LY75: variants seen among roughly 807,000 people sequenced by gnomAD.
LY75 encodes C-type lectin domain family 13 member B.
Under a neutral mutation model 231.7 loss-of-function variants are expected in LY75, and 185 were observed. That is an observed-to-expected ratio of 0.80 (90% CI 0.71 to 0.90). The LOEUF is 0.90. Among genes scored for constraint, LY75 ranks in the 40% least tolerant of loss-of-function variants. The pLI is 0.00. For synonymous variants in LY75, 668 were observed against 689.0 expected (o/e 0.97, Z 0.48); for missense variants, 1,947 against 2,050.2 (o/e 0.95, Z 0.97).
chr2:159,811,552 A>C (rs1351419845), intron 31 of LY75, among the ~76,000 whole-genome samples: 2 of 152,168 alleles, frequency 1.3e-5, no homozygotes, highest in Non-Finnish European at 2.9e-5. Context: ...ATCTCAACCC[A>C]AACTATTGTT....
rs1290053012 is a variant in LY75, at chr2:159,805,222, C to T, written c.4991G>A (p.Gly1664Asp). The change falls in exon 35 of 35, where the codon GGC (glycine) becomes GAC (aspartate). Residue 1664 changes from glycine (G) to aspartate (D), a missense_variant and splice_region_variant. Physicochemically the swap from Gly to Asp is moderately conservative, Grantham distance 94. Transcript: ENST00000263636. ...GATAGCTATTGCTGTGTAATCAGGG[C>T]CTGGAACAGGAAAAGGTTTGATGTT... ...FGRVVCKVPLGPDYTAIAIIV... is the reference protein window; with the variant it reads ...FGRVVCKVPLDPDYTAIAIIV... The T allele has an allele frequency of 6.2e-7, 1 of 1,612,434 alleles. No individual in the cohort carries two copies. The highest frequency in any genetic ancestry group is 2.2e-5 in the East Asian group (1 of 44,850).
intron 12 of LY75, 109 bp from the exon 13 acceptor site, chr2:159,872,702 G>A (rs1685053721): frequency 2.3e-6 from 3 of 1,284,390 alleles, no homozygotes; most frequent in Non-Finnish European, 3.2e-6. Flanking sequence ...AATTCTTAAA[G>A]GTGTAGTGAA....
In LY75 at chr2:159,854,493, C is replaced by T; in HGVS notation, c.2462G>A (p.Ser821Asn). The change falls in exon 18 of 35, where the codon AGT becomes AAT. Residue 821 changes from serine to asparagine, a missense_variant. Coordinates refer to ENST00000263636, the MANE Select transcript of LY75 (RefSeq NM_002349.4). ...AAGATCAGCAACAAACCAATATTCA[C>T]TTCCTTCAATTATAAGTGGAGGTCC... ...IHGPPLIIEGSEYWFVADLHL... is the reference protein window; with the variant it reads ...IHGPPLIIEGNEYWFVADLHL... The T allele has an allele frequency of 1.2e-6, 2 of 1,613,376 alleles. No individual in the cohort carries two copies. Among genetic ancestry groups the T allele is most frequent in the South Asian group, 1.1e-5 (1 of 91,014 alleles).
chr2:159,848,089 TATATAC>T (rs59944510), intron 23 of LY75, among the ~76,000 whole-genome samples: 23,455 of 45,060 alleles, frequency 0.52, 4,016 homozygotes, highest in African/African-American at 0.62. Context: ...TATATATATA[TATATAC>T]ACACACACAT....
intron 6 of LY75, among the ~76,000 whole-genome samples, chr2:159,883,142 G>T (rs1685485998): frequency 8.1e-6 from 1 of 123,110 alleles, no homozygotes; most frequent in South Asian, 3.2e-4. Flanking sequence ...GGGGGAGGGG[G>T]AGGGGGGAGG....
intron 9 of LY75, 150 bp from the exon 10 acceptor site, chr2:159,878,871 T>C (rs1685353199): frequency 3.5e-6 from 3 of 853,008 alleles, no homozygotes; most frequent in Non-Finnish European, 5.4e-6. Context: ...GAGGGTGGGA[T>C]GCAATTTCAC....
intron 20 of LY75, 135 bp from the exon 21 acceptor site, chr2:159,852,475 G>A (rs1684433473): frequency 1.6e-6 from 2 of 1,243,140 alleles, no homozygotes; most frequent in Admixed American, 5.4e-5. Flanking sequence ...CTGGAGTGCA[G>A]TGGTGCAATG....
Position 159,904,630 on chromosome 2 carries a change from A to G in LY75, c.53T>C (p.Leu18Pro). Residue 18 changes from leucine (L) to proline (P), a missense_variant, in exon 1 of 35, where the codon CTC (leucine) becomes CCC (proline). Coordinates refer to ENST00000263636, the MANE Select transcript of LY75 (RefSeq NM_002349.4). ...CTCCGCGAGATCGAAGAACCAGAAG[A>G]GCAGCATGAGGAGCCCCGCCGGGCG... Reference protein sequence around the residue: ...PRRPAGLLMLLFWFFDLAEPS... With the variant: ...PRRPAGLLMLPFWFFDLAEPS... 1 of 1,504,538 alleles carries G rather than the reference A, an allele frequency of 6.6e-7. No homozygotes were observed. The allele number at this position is 1,504,538 out of a possible 1,614,324, so 93.2% of individuals were successfully genotyped here.
At chr2:159,852,922 C>T (rs1376325460) in intron 20 of LY75, among the ~76,000 whole-genome samples, 1 of 152,096 alleles carries the variant, frequency 6.6e-6, no homozygotes, top group Non-Finnish European at 1.5e-5. Context: ...AGGGTGAAGG[C>T]AGGAGGTAGG....
intron 28 of LY75, among the ~76,000 whole-genome samples, chr2:159,826,550 C>T (rs1683474778): frequency 6.6e-6 from 1 of 152,138 alleles, no homozygotes; most frequent in Admixed American, 6.5e-5. Context: ...TTTATAGATT[C>T]AATGCTATCC....
intron 23 of LY75, among the ~76,000 whole-genome samples, chr2:159,844,560 T>C (rs1684141898): frequency 6.6e-6 from 1 of 151,998 alleles, no homozygotes; most frequent in Admixed American, 6.6e-5. Flanking sequence ...TTCTAGCATA[T>C]GTGGTGAGGC....
intron 28 of LY75, among the ~76,000 whole-genome samples, chr2:159,822,124 T>C (rs1000749900): frequency 6.6e-6 from 1 of 152,192 alleles, no homozygotes; most frequent in Admixed American, 6.5e-5. Context: ...GACACCAAAC[T>C]AGCTGCAGGA....
intron 15 of LY75, 136 bp downstream of exon 15, chr2:159,860,685 G>T: frequency 1.0e-6 from 1 of 1,002,064 alleles, no homozygotes. Context: ...TGAGGGCCAG[G>T]CCATGGGTGT....
rs1684683272 is a variant in LY75 at position 159,860,928 on chromosome 2, G to T, written c.2200-39C>A. On this transcript the variant is annotated intron_variant, in intron 14 of 34. Coordinates refer to ENST00000263636, the MANE Select transcript of LY75 (RefSeq NM_002349.4). ...AGAGGCTTGAGAATTTAAGACTGAT[G>T]TATAAATATTTGCAATTTAGATGTA... 3 of 1,610,774 alleles carry T rather than the reference G, an allele frequency of 1.9e-6. No individual in the cohort carries two copies. The African/African-American group carries it at 4.0e-5, about 22-fold the overall frequency.
intron 34 of LY75, among the ~76,000 whole-genome samples, chr2:159,806,082 T>C (rs1682784835): frequency 6.6e-6 from 1 of 152,232 alleles, no homozygotes; most frequent in South Asian, 2.1e-4. Flanking sequence ...TGTCTCCTGC[T>C]TCTAGGCTTC....
intron 1 of LY75, among the ~76,000 whole-genome samples, chr2:159,901,812 G>T (rs1485686159): frequency 6.6e-6 from 1 of 152,164 alleles, no homozygotes; most frequent in Admixed American, 6.5e-5. Context: ...ACTTAGTACA[G>T]ATCTTAATTA....
In LY75 at chr2:159,885,242, G is replaced by A. The variant is rs2125878454; in HGVS notation, c.965C>T (p.Ala322Val). ...IGGSSCARMDAESGLWQSFSC... is the reference protein window; with the variant it reads ...IGGSSCARMDVESGLWQSFSC... ...AAAGCTCTGCCACAGACCAGACTCAGCATCCATTCTTGCACAGCTGGAGCC... is the reference window on the plus strand; with the variant it reads ...AAAGCTCTGCCACAGACCAGACTCAACATCCATTCTTGCACAGCTGGAGCC... Residue 322 changes from alanine (A) to valine (V), a missense_variant, in exon 6 of 35, where the codon GCT (alanine) becomes GTT (valine). Transcript: ENST00000263636. 6.2e-7 allele frequency: 1 copy of A among 1,613,690 alleles called. No homozygotes were observed. Among genetic ancestry groups the A allele is most frequent in the Non-Finnish European group, 8.5e-7 (1 of 1,179,698 alleles).
rs893793292 is a variant in LY75 at position 159,804,723 on chromosome 2, G to A, written c.*321C>T. 6.3e-6 allele frequency: 1 copy of A among 159,066 alleles called. No individual in the cohort carries two copies. Among genetic ancestry groups the A allele is most frequent in the African/African-American group, 2.4e-5 (1 of 41,700 alleles). 9.9% of individuals were successfully genotyped at this position (159,066 alleles called of 1,614,324 possible). The stretch of plus-strand genomic sequence containing the variant: ...CTATTTTAATTTTCTAAGAAGTTTT[G>A]TTAAAAATTCTATTAAAATATACAT... On this transcript the variant is annotated 3_prime_UTR_variant, in exon 35 of 35. Coordinates refer to ENST00000263636, the MANE Select transcript of LY75 (RefSeq NM_002349.4).
intron 1 of LY75, among the ~76,000 whole-genome samples, chr2:159,902,169 G>C (rs11691616): frequency 0.57 from 86,897 of 152,042 alleles, 28,057 homozygotes; most frequent in Non-Finnish European, 0.72. Context: ...CTTTCTACTG[G>C]GTTTTGTTCA....
Sources: allele counts gnomAD v4.1 joint callset (sites outside exome capture counted in the v4.1 genomes callset), GRCh38; gene constraint gnomAD v4.1.1; transcripts MANE v1.5; gene names NCBI Gene and HGNC (gene_info 2026-07-23, HGNC 2026-07-21).